RAB2A: variants seen among roughly 807,000 people sequenced by gnomAD.
RAB2A encodes the protein RAB2A, member RAS oncogene family.
A neutral mutation model predicts 32.5 loss-of-function variants in RAB2A; 7 were observed. The ratio of observed to expected loss-of-function variants is 0.22; its 90% CI spans 0.12 to 0.40. RAB2A has a LOEUF of 0.40. RAB2A is among the 10% of genes least tolerant of loss of function. The probability of loss-of-function intolerance (pLI) is 1.00; values close to 1 mark genes in which losing one functional copy is unlikely to be tolerated. For synonymous variants in RAB2A, 79 were observed against 85.2 expected (o/e 0.93, Z 0.40); for missense variants, 108 against 260.7 (o/e 0.41, Z 4.03).
chr8:60,613,713 T>A (rs1227564797), intron 6 of RAB2A, among the ~76,000 whole-genome samples: 1 of 152,228 alleles, frequency 6.6e-6, no homozygotes. Context: ...AACATTAATT[T>A]TCTTATTTGT....
intron 6 of RAB2A, among the ~76,000 whole-genome samples, chr8:60,609,842 T>C (rs1804305486): frequency 6.6e-6 from 1 of 151,690 alleles, no homozygotes; most frequent in Non-Finnish European, 1.5e-5. Flanking sequence ...GGGACACGCC[T>C]GCTGTACTCC....
At chr8:60,527,857 C>A (rs1346930978) in intron 1 of RAB2A, among the ~76,000 whole-genome samples, 3 of 152,116 alleles carry the variant, frequency 2.0e-5, no homozygotes, top group African/African-American at 7.2e-5. Context: ...AAATATACAA[C>A]TGCTTTTATA....
At chr8:60,540,199 T>C (rs576087540) in intron 1 of RAB2A, among the ~76,000 whole-genome samples, 10 of 151,158 alleles carry the variant, frequency 6.6e-5, no homozygotes, top group Non-Finnish European at 1.2e-4. Context: ...TCTTTTTGTC[T>C]TTTTCTCATC....
chr8:60,551,819 G>C (rs1442349496), intron 1 of RAB2A: 2 of 149,240 alleles, frequency 1.3e-5, no homozygotes, highest in Non-Finnish European at 3.0e-5. Context: ...TTAGCCTCTT[G>C]AGTAGCTAGG....
chr8:60,532,701 G>A (rs1312523832), intron 1 of RAB2A, among the ~76,000 whole-genome samples: 6 of 152,154 alleles, frequency 3.9e-5, no homozygotes. Context: ...GTAGAGACAA[G>A]GTTTCACTTT....
chr8:60,576,785 C>A (rs1232173498), intron 3 of RAB2A, among the ~76,000 whole-genome samples: 1 of 152,210 alleles, frequency 6.6e-6, no homozygotes, highest in Admixed American at 6.5e-5. Flanking sequence ...TTCTGCCTTT[C>A]CTCTCTGCTC....
At chr8:60,577,647 G>A (rs200265885) in intron 3 of RAB2A, among the ~76,000 whole-genome samples, 32 of 149,644 alleles carry the variant, frequency 2.1e-4, no homozygotes, top group East Asian at 1.6e-3. Flanking sequence ...TTTTTGAGAC[G>A]GAGTCTCGCT....
At chr8:60,612,440 A>G (rs2150437501) in intron 6 of RAB2A, among the ~76,000 whole-genome samples, 1 of 152,370 alleles carries the variant, frequency 6.6e-6, no homozygotes, top group East Asian at 1.9e-4. Flanking sequence ...CAAATTTTAT[A>G]TACTTCCAAA....
chr8:60,554,408 G>A (rs1807903187), intron 1 of RAB2A, among the ~76,000 whole-genome samples: 1 of 152,184 alleles, frequency 6.6e-6, no homozygotes. Context: ...AACAATTCCA[G>A]AGATTAGGAA....
At chr8:60,581,414 A>G (rs958507460) in intron 3 of RAB2A, among the ~76,000 whole-genome samples, 2 of 152,220 alleles carry the variant, frequency 1.3e-5, no homozygotes, top group Non-Finnish European at 2.9e-5. Context: ...CATCCCCAGC[A>G]GGACGGAGCA....
chr8:60,554,900 G>C (rs976159513), intron 1 of RAB2A, among the ~76,000 whole-genome samples: 1 of 152,176 alleles, frequency 6.6e-6, no homozygotes, highest in African/African-American at 2.4e-5. Context: ...CACGGGACTG[G>C]ATTCGTCCTC....
At chr8:60,589,072 A>G (rs2875966) in intron 5 of RAB2A, among the ~76,000 whole-genome samples, 34,711 of 152,080 alleles carry the variant, frequency 0.23, 4,061 homozygotes, top group Middle Eastern at 0.39. Context: ...TAGTCTTTCT[A>G]TGATGGAAAT....
intron 6 of RAB2A, among the ~76,000 whole-genome samples, chr8:60,615,364 C>T (rs1427076825): frequency 6.6e-6 from 1 of 152,138 alleles, no homozygotes; most frequent in African/African-American, 2.4e-5. Flanking sequence ...TCAAATTAAA[C>T]TAATTCTGTG....
chr8:60,611,395 T>C (rs1427703457), intron 6 of RAB2A, among the ~76,000 whole-genome samples: 1 of 152,214 alleles, frequency 6.6e-6, no homozygotes, highest in Non-Finnish European at 1.5e-5. Context: ...TTTCCTAATA[T>C]ATGAGTGGGA....
intron 6 of RAB2A, among the ~76,000 whole-genome samples, chr8:60,616,266 GACGGGCAAAAA>G (rs1804447506): frequency 6.6e-6 from 1 of 152,166 alleles, no homozygotes; most frequent in Non-Finnish European, 1.5e-5. Context: ...TTTATTACCA[GACGGGCAAAAA>G]GGCAATTTTT....
intron 6 of RAB2A, among the ~76,000 whole-genome samples, chr8:60,593,101 C>T (rs1803968764): frequency 6.6e-6 from 1 of 152,202 alleles, no homozygotes; most frequent in Non-Finnish European, 1.5e-5. Flanking sequence ...AGTAATTCTA[C>T]AGCATTGGTA....
chr8:60,594,742 C>T (rs537002449), intron 6 of RAB2A, among the ~76,000 whole-genome samples: 1 of 152,176 alleles, frequency 6.6e-6, no homozygotes, highest in Non-Finnish European at 1.5e-5. Flanking sequence ...GTTTGGTTTT[C>T]TGTCCTTGTG....
At chr8:60,603,854 C>G (rs1241687505) in intron 6 of RAB2A, among the ~76,000 whole-genome samples, 1 of 151,778 alleles carries the variant, frequency 6.6e-6, no homozygotes, top group Non-Finnish European at 1.5e-5. Flanking sequence ...GACCCTGTCT[C>G]TATTTAAAAA....
chr8:60,527,444 G>A (rs1807409896), intron 1 of RAB2A, among the ~76,000 whole-genome samples: 1 of 152,188 alleles, frequency 6.6e-6, no homozygotes, highest in African/African-American at 2.4e-5. Context: ...TTACAATCAT[G>A]GCAGAAGGCA....
Sources: gnomAD v4.1 joint callset for allele counts (sites outside exome capture counted in the v4.1 genomes callset) on GRCh38, gnomAD v4.1.1 for gene constraint, MANE v1.5 for transcripts, NCBI Gene and HGNC (gene_info 2026-07-23, HGNC 2026-07-21) for gene names.